The following TMC7 variants were observed in gnomAD, a reference collection of about 807,000 sequenced individuals.
TMC7 encodes the protein transmembrane channel-like protein 7.
Under a neutral mutation model 82.9 loss-of-function variants are expected in TMC7, and 54 were observed. The ratio of observed to expected loss-of-function variants is 0.65; its 90% CI spans 0.52 to 0.82. The LOEUF (loss-of-function observed/expected upper bound fraction) is 0.82, where lower values mean the gene tolerates loss of function less well. Among genes scored for constraint, TMC7 ranks in the 40% least tolerant of loss-of-function variants. The probability of loss-of-function intolerance (pLI) is 0.00; values close to 1 mark genes in which losing one functional copy is unlikely to be tolerated. For synonymous variants in TMC7, 350 were observed against 337.9 expected (o/e 1.04, Z -0.39); for missense variants, 820 against 901.2 (o/e 0.91, Z 1.15).
chr16:19,011,572 C>G (rs1268251200), intron 2 of TMC7, among the ~76,000 whole-genome samples: 2 of 150,674 alleles, frequency 1.3e-5, no homozygotes, highest in East Asian at 3.9e-4. Context: ...GAAAAATTAG[C>G]TGGGTGTGGT....
intron 3 of TMC7, among the ~76,000 whole-genome samples, chr16:19,018,493 C>T (rs1959814424): frequency 6.6e-6 from 1 of 152,120 alleles, no homozygotes; most frequent in African/African-American, 2.4e-5. Flanking sequence ...CATGGGACAC[C>T]ACTCTCAAGA....
chr16:19,028,906 G>A (rs756372228), intron 5 of TMC7, among the ~76,000 whole-genome samples: 1 of 151,710 alleles, frequency 6.6e-6, no homozygotes, highest in African/African-American at 2.4e-5. Context: ...CACCCGCCTC[G>A]GCCTCCCAAG....
At chr16:19,025,333 A>G (rs1010139833) in intron 5 of TMC7, among the ~76,000 whole-genome samples, 4 of 152,030 alleles carry the variant, frequency 2.6e-5, no homozygotes, top group Admixed American at 6.6e-5. Context: ...AAAATACCAT[A>G]CCGGCCGGGT....
intron 15 of TMC7, among the ~76,000 whole-genome samples, chr16:19,060,379 A>C (rs759238889): frequency 2.6e-5 from 4 of 151,608 alleles, no homozygotes; most frequent in African/African-American, 9.7e-5. Context: ...TAATTTTTAA[A>C]TTTTTTATAG....
chr16:19,044,992 A>G lies in TMC7; in HGVS notation c.1446A>G (p.Lys482=), dbSNP rs760578041. 1 of 1,612,606 alleles carries G rather than the reference A, an allele frequency of 6.2e-7. No individual in the cohort carries two copies. The highest frequency in any genetic ancestry group is 1.7e-5 in the Admixed American group (1 of 59,862). ...DTCDLCGYNQ[K]LYPCWETQVG... is the part of the protein sequence containing the mutation. Reference sequence around the variant, plus strand: ...GTGACCTTTGCGGCTACAACCAGAAACTCTACCCGGTGAGTTGCGGGGCGG... The same window carrying G: ...GTGACCTTTGCGGCTACAACCAGAAGCTCTACCCGGTGAGTTGCGGGGCGG... Residue 482 remains lysine (K), a synonymous_variant, in exon 10 of 16, where the codon AAA becomes AAG. Coordinates refer to ENST00000304381, the MANE Select transcript of TMC7 (RefSeq NM_024847.4).
intron 1 of TMC7, among the ~76,000 whole-genome samples, chr16:18,990,981 A>G (rs2038941019): frequency 6.6e-6 from 1 of 152,180 alleles, no homozygotes; most frequent in Non-Finnish European, 1.5e-5. Flanking sequence ...GAGGCCTGAC[A>G]TTCCTGTCTT....
intron 1 of TMC7, among the ~76,000 whole-genome samples, chr16:18,995,214 T>C (rs1427784994): frequency 1.3e-5 from 2 of 152,168 alleles, no homozygotes; most frequent in East Asian, 1.9e-4. Flanking sequence ...AGCCTGGCTG[T>C]CAATACCTAC....
intron 1 of TMC7, among the ~76,000 whole-genome samples, chr16:18,992,368 T>C (rs1280153197): frequency 1.3e-5 from 2 of 152,244 alleles, no homozygotes; most frequent in Non-Finnish European, 1.5e-5. Context: ...CATTTTTTCA[T>C]GTGTCTGTTG....
chr16:19,007,437 G>A (rs768377016), intron 1 of TMC7, among the ~76,000 whole-genome samples: 1 of 152,298 alleles, frequency 6.6e-6, no homozygotes, highest in Non-Finnish European at 1.5e-5. Flanking sequence ...GGCCACCAAC[G>A]AAACCGCCCA....
At chr16:19,041,192 G>T (rs375193355) in intron 9 of TMC7, among the ~76,000 whole-genome samples, 1 of 151,544 alleles carries the variant, frequency 6.6e-6, no homozygotes, top group East Asian at 2.0e-4. Flanking sequence ...CACCATGCCC[G>T]GTCTCAAAGT....
intron 2 of TMC7, among the ~76,000 whole-genome samples, chr16:19,010,133 TCTCCCCTCCCCTCCC>T (rs536946713): frequency 1.8e-5 from 1 of 54,430 alleles, no homozygotes; most frequent in Admixed American, 2.8e-4. Context: ...CCCTCTCTCC[TCTCCCCTCCCCTCCC>T]CTCCCCTCCT....
intron 7 of TMC7, among the ~76,000 whole-genome samples, chr16:19,036,788 AT>A (rs1237054794): frequency 6.6e-6 from 1 of 152,220 alleles, no homozygotes; most frequent in Non-Finnish European, 1.5e-5. Context: ...GTTAATAAAA[AT>A]AAACCCATCA....
At position 18,983,966 on chromosome 16, in the gene TMC7, T is replaced by C. The variant is rs1248495375; in HGVS notation, c.-98T>C. On this transcript the variant is annotated 5_prime_UTR_variant, in exon 1 of 16. Transcript: ENST00000304381. ...CTTCTGTGATGTCAGCGCCGGAACC[T>C]GGAATCCCGGCTCCGCGAGGGAAGG... 4 of 1,267,296 alleles carry C rather than the reference T, an allele frequency of 3.2e-6. No individual in the cohort carries two copies. The highest frequency in any genetic ancestry group is 2.9e-4 in the Middle Eastern group (1 of 3,468). The allele number at this position is 1,267,296 out of a possible 1,614,324, so 78.5% of individuals were successfully genotyped here.
At chr16:19,048,049 A>T (rs1961367911) in intron 12 of TMC7, among the ~76,000 whole-genome samples, 1 of 150,570 alleles carries the variant, frequency 6.6e-6, no homozygotes, top group Non-Finnish European at 1.5e-5. Context: ...TTTGTTAAGA[A>T]TTTTTTTTAT....
At chr16:19,058,653 A>G (rs896426752) in intron 14 of TMC7, among the ~76,000 whole-genome samples, 30 of 152,198 alleles carry the variant, frequency 2.0e-4, no homozygotes, top group African/African-American at 7.2e-4. Flanking sequence ...GCCACTGCCA[A>G]ATAAAAACTT....
At chr16:19,045,566 T>A in intron 11 of TMC7, 128 bp downstream of exon 11, 1 of 596,120 alleles carries the variant, frequency 1.7e-6, no homozygotes. Context: ...TCTACAGCCC[T>A]GGAAATCTGA....
At chr16:18,995,608 G>A (rs2039030263) in intron 1 of TMC7, among the ~76,000 whole-genome samples, 1 of 152,208 alleles carries the variant, frequency 6.6e-6, no homozygotes, top group Non-Finnish European at 1.5e-5. Flanking sequence ...TCCTGGGGGA[G>A]GCGGTCCTGG....
chr16:19,056,456 T>C, intron 13 of TMC7, 86 bp from the exon 14 acceptor site: 1 of 1,495,666 alleles, frequency 6.7e-7, no homozygotes, highest in Non-Finnish European at 9.0e-7. Flanking sequence ...AGGCCATTGT[T>C]AACAAAACAT....
At chr16:19,005,187 C>T (rs2039216971) in intron 1 of TMC7, among the ~76,000 whole-genome samples, 2 of 151,932 alleles carry the variant, frequency 1.3e-5, no homozygotes, top group Non-Finnish European at 2.9e-5. Flanking sequence ...CTCCTGGGTT[C>T]ACGCCATTCT....
Sources: gnomAD v4.1 joint callset for allele counts (sites outside exome capture counted in the v4.1 genomes callset) on GRCh38, gnomAD v4.1.1 for gene constraint, MANE v1.5 for transcripts, NCBI Gene and HGNC (gene_info 2026-07-23, HGNC 2026-07-21) for gene names.